The following ADAMTSL3 variants were observed in gnomAD, a reference collection of about 807,000 sequenced individuals.
ADAMTSL3 encodes ADAMTS like 3.
In ADAMTSL3, 128 loss-of-function variants were observed where a neutral mutation model predicts 201.7. The observed-to-expected ratio is 0.63, with a 90% CI of 0.55 to 0.73. The LOEUF (loss-of-function observed/expected upper bound fraction) is 0.73, where lower values mean the gene tolerates loss of function less well. ADAMTSL3 is among the 30% of genes least tolerant of loss of function. The pLI is 0.00. For missense variants in ADAMTSL3, 1,990 were observed against 2,119.6 expected (o/e 0.94, Z 1.20); for synonymous variants, 738 against 748.4 (o/e 0.99, Z 0.23).
intron 3 of ADAMTSL3, among the ~76,000 whole-genome samples, chr15:83,721,896 C>A (rs2062106526): frequency 6.6e-6 from 1 of 152,056 alleles, no homozygotes; most frequent in Non-Finnish European, 1.5e-5. Context: ...CCATGCCCAG[C>A]TAATTTTTTT....
chr15:83,806,251 C>G (rs2063601305), intron 5 of ADAMTSL3, among the ~76,000 whole-genome samples: 1 of 152,234 alleles, frequency 6.6e-6, no homozygotes, highest in Non-Finnish European at 1.5e-5. Flanking sequence ...AGGAACAGGT[C>G]CTGCACAGTT....
chr15:83,767,751 CA>C (rs2062916655), intron 3 of ADAMTSL3, among the ~76,000 whole-genome samples: 1 of 152,172 alleles, frequency 6.6e-6, no homozygotes, highest in Non-Finnish European at 1.5e-5. Context: ...TGCCTCCTGA[CA>C]TTTGATGACG....
At chr15:83,735,093 A>T (rs2062349399) in intron 3 of ADAMTSL3, among the ~76,000 whole-genome samples, 1 of 152,228 alleles carries the variant, frequency 6.6e-6, no homozygotes, top group Non-Finnish European at 1.5e-5. Context: ...AGTATTTTTT[A>T]AAATTAAATC....
intron 3 of ADAMTSL3, among the ~76,000 whole-genome samples, chr15:83,731,834 C>T (rs1272513148): frequency 1.3e-5 from 2 of 151,894 alleles, no homozygotes; most frequent in Non-Finnish European, 2.9e-5. Flanking sequence ...ATAAGCCAGA[C>T]ACAGAAATAA....
At chr15:83,701,617 A>G (rs1293891794) in intron 2 of ADAMTSL3, among the ~76,000 whole-genome samples, 1 of 152,192 alleles carries the variant, frequency 6.6e-6, no homozygotes, top group Non-Finnish European at 1.5e-5. Context: ...GCAGTGAATA[A>G]GTCTCACAAG....
At chr15:83,865,777 T>C (rs1476072275) in intron 8 of ADAMTSL3, among the ~76,000 whole-genome samples, 3 of 152,078 alleles carry the variant, frequency 2.0e-5, no homozygotes, top group African/African-American at 2.4e-5. Context: ...TCTAATTAAA[T>C]TAAAGAGCTT....
chr15:83,985,394 ATATATC>A (rs940188836), intron 21 of ADAMTSL3, among the ~76,000 whole-genome samples: 4 of 152,102 alleles, frequency 2.6e-5, no homozygotes, highest in Admixed American at 1.3e-4. Flanking sequence ...ATATATATAT[ATATATC>A]TACCAAATAC....
Position 83,769,328 on chromosome 15 carries a change from A to C in ADAMTSL3, c.190-4195A>C, listed in dbSNP as rs552464168. Among the ~76,000 whole-genome samples the C allele has an allele frequency of 1.4e-4, 22 of 152,312 alleles. No individual in the cohort carries two copies. In the East Asian group the frequency reaches 1.9e-3, roughly 13 times the overall value. On this transcript the variant is annotated intron_variant, in intron 3 of 29. Transcript: ENST00000286744. The stretch of plus-strand genomic sequence containing the variant: ...AATTTCAGCTGTGTATATTTTAAAC[A>C]TTTACCTAAATGATTTGGACTTACC...
chr15:83,793,602 G>T (rs570694393), intron 4 of ADAMTSL3, among the ~76,000 whole-genome samples: 2 of 151,938 alleles, frequency 1.3e-5, no homozygotes, highest in Admixed American at 6.6e-5. Flanking sequence ...TCTACCTCCC[G>T]AGTAGCTGGG....
intron 6 of ADAMTSL3, among the ~76,000 whole-genome samples, chr15:83,824,000 C>T (rs1436674110): frequency 6.8e-6 from 1 of 147,362 alleles, no homozygotes; most frequent in Non-Finnish European, 1.5e-5. Flanking sequence ...CCTTCTCCTT[C>T]TTCTTCCTCT....
At chr15:83,735,437 G>C (rs965891754) in intron 3 of ADAMTSL3, among the ~76,000 whole-genome samples, 2 of 152,150 alleles carry the variant, frequency 1.3e-5, no homozygotes, top group Non-Finnish European at 2.9e-5. Flanking sequence ...AGTAGCCTTA[G>C]CCCACAAAGA....
At chr15:83,883,720 C>A (rs1043621487) in intron 9 of ADAMTSL3, among the ~76,000 whole-genome samples, 2 of 151,822 alleles carry the variant, frequency 1.3e-5, no homozygotes, top group Middle Eastern at 3.4e-3. Flanking sequence ...TGCCACCACA[C>A]CTGGCTAATT....
intron 2 of ADAMTSL3, 22 bp downstream of exon 2, chr15:83,655,852 A>G: frequency 6.2e-7 from 1 of 1,609,224 alleles, no homozygotes. Flanking sequence ...TAGGGAGGGG[A>G]AGGGAAATGG....
intron 2 of ADAMTSL3, among the ~76,000 whole-genome samples, chr15:83,680,873 A>G (rs1196231701): frequency 6.6e-6 from 1 of 152,090 alleles, no homozygotes; most frequent in Non-Finnish European, 1.5e-5. Flanking sequence ...TTCAAAGGTC[A>G]TGTTTTCTTT....
intron 4 of ADAMTSL3, among the ~76,000 whole-genome samples, chr15:83,777,807 G>A (rs1390993639): frequency 6.6e-6 from 1 of 152,122 alleles, no homozygotes. Context: ...TCAGAATATG[G>A]ACAGAAATGA....
intron 6 of ADAMTSL3, among the ~76,000 whole-genome samples, chr15:83,822,538 G>A (rs1454608449): frequency 1.4e-5 from 2 of 139,966 alleles, no homozygotes; most frequent in Non-Finnish European, 3.1e-5. Context: ...GGGTAGAGGC[G>A]CTCCTCACAT....
At chr15:84,008,001 C>G (rs1386479302) in intron 23 of ADAMTSL3, among the ~76,000 whole-genome samples, 1 of 152,178 alleles carries the variant, frequency 6.6e-6, no homozygotes, top group African/African-American at 2.4e-5. Flanking sequence ...TTCATTCTCT[C>G]TTGAATCCAC....
chr15:83,787,814 C>G (rs1377023664), intron 4 of ADAMTSL3, among the ~76,000 whole-genome samples: 2 of 151,962 alleles, frequency 1.3e-5, no homozygotes, highest in Non-Finnish European at 2.9e-5. Context: ...CTTCCTTTCT[C>G]TCTCCCCCTC....
chr15:83,696,199 C>T (rs2061686564), intron 2 of ADAMTSL3, among the ~76,000 whole-genome samples: 1 of 152,150 alleles, frequency 6.6e-6, no homozygotes, highest in African/African-American at 2.4e-5. Context: ...AGGAGTGATC[C>T]TAACTTCCCA....
Sources: gnomAD v4.1 joint callset for allele counts (sites outside exome capture counted in the v4.1 genomes callset) on GRCh38, gnomAD v4.1.1 for gene constraint, MANE v1.5 for transcripts, NCBI Gene and HGNC (gene_info 2026-07-23, HGNC 2026-07-21) for gene names.